The following DACH2 variants were observed in gnomAD, a reference collection of about 807,000 sequenced individuals.
DACH2 encodes the protein dachshund family transcription factor 2.
A neutral mutation model predicts 35.8 loss-of-function variants in DACH2; 17 were observed. The observed-to-expected ratio is 0.48, with a 90% CI of 0.33 to 0.71. DACH2 has a LOEUF of 0.71. Among genes scored for constraint, DACH2 ranks in the 30% least tolerant of loss-of-function variants. DACH2 has a pLI of 0.02. For missense variants in DACH2, 469 were observed against 472.7 expected (o/e 0.99, Z 0.07); for synonymous variants, 195 against 177.3 (o/e 1.10, Z -0.79).
intron 6 of DACH2, among the ~76,000 whole-genome samples, chrX:86,720,691 C>T (rs1216459582): frequency 1.8e-5 from 2 of 112,141 alleles, no homozygotes; most frequent in South Asian, 3.7e-4. Context: ...GTGGATCTAA[C>T]ATTCCATGGT....
At chrX:86,587,397 CT>C (rs915489261) in intron 3 of DACH2, among the ~76,000 whole-genome samples, 3 of 111,240 alleles carry the variant, frequency 2.7e-5, no homozygotes, top group Admixed American at 9.6e-5. Flanking sequence ...ATTTGGATAA[CT>C]TTTCTTTCTT....
At chrX:86,739,635 T>C in intron 6 of DACH2, 112 bp from the exon 7 acceptor site, 1 of 850,620 alleles carries the variant, frequency 1.2e-6, no homozygotes, top group Non-Finnish European at 1.7e-6. Flanking sequence ...TTATTGTAGA[T>C]GTGTACACTT....
intron 7 of DACH2, among the ~76,000 whole-genome samples, chrX:86,740,485 T>C (rs985351206): frequency 9.2e-5 from 9 of 97,821 alleles, no homozygotes; most frequent in African/African-American, 3.0e-4. Flanking sequence ...GTATATCTCC[T>C]AATGCTATCC....
At chrX:86,354,934 G>A (rs963846796) in intron 1 of DACH2, among the ~76,000 whole-genome samples, 5 of 111,053 alleles carry the variant, frequency 4.5e-5, no homozygotes, top group Non-Finnish European at 9.4e-5. Flanking sequence ...TTTATTTTAT[G>A]TTTAGAGGGT....
intron 1 of DACH2, among the ~76,000 whole-genome samples, chrX:86,297,069 A>ATG (rs1556018014): frequency 0.051 from 5,001 of 98,840 alleles, 252 homozygotes; most frequent in African/African-American, 0.13. Context: ...ATATATATAT[A>ATG]TAATTAGAGC....
rs2035478480 is a variant in DACH2, at chrX:86,345,336, T to C, written c.489-31488T>C. The C allele has an allele frequency of 1.8e-5, 4 of 226,647 alleles. No individual in the cohort carries two copies. In the South Asian group the frequency reaches 2.2e-4, roughly 12 times the overall value. The allele number at this position is 226,647 out of a possible 1,213,427, so 18.7% of individuals were successfully genotyped here. A position where few individuals can be genotyped will look rare whatever the true frequency, so the allele number is the denominator to read the frequency against. Reference sequence around the variant, plus strand: ...TGAGTTTAATATTTCACACATTAAATGATTAAAAGTAAGAATGCAAGACCT... The same window carrying C: ...TGAGTTTAATATTTCACACATTAAACGATTAAAAGTAAGAATGCAAGACCT... On this transcript the variant is annotated intron_variant, in intron 1 of 11. Transcript: ENST00000373125.
At chrX:86,680,891 C>A (rs996960037) in intron 4 of DACH2, among the ~76,000 whole-genome samples, 1 of 110,555 alleles carries the variant, frequency 9.0e-6, no homozygotes, top group Non-Finnish European at 1.9e-5. Flanking sequence ...TGGCCTTAAG[C>A]AATCCTCCTG....
At chrX:86,443,193 GC>G (rs1438285697) in intron 2 of DACH2, among the ~76,000 whole-genome samples, 1 of 111,209 alleles carries the variant, frequency 9.0e-6, no homozygotes, top group Non-Finnish European at 1.9e-5. Flanking sequence ...ATCCATAATC[GC>G]AGAATATTCT....
rs1602878802 is a variant in DACH2, at chrX:86,739,833, C to T, written c.1191C>T (p.Ser397=). 1.7e-6 allele frequency: 2 copies of T among 1,205,093 alleles called. No homozygotes were observed. Among genetic ancestry groups the T allele is most frequent in the East Asian group, 6.0e-5 (2 of 33,418 alleles). ...PGSQTSSHTS[S]SVSSSPSQMD... Reference sequence around the variant, plus strand: ...GCCAGACCTCTTCCCACACCAGCAGCAGTGTGTCCAGCTCTCCCTCTCAGA... The same window carrying T: ...GCCAGACCTCTTCCCACACCAGCAGTAGTGTGTCCAGCTCTCCCTCTCAGA... Residue 397 remains serine, a synonymous_variant, in exon 7 of 12, where the codon AGC becomes AGT. Coordinates refer to ENST00000373125, the MANE Select transcript of DACH2 (RefSeq NM_053281.3).
intron 7 of DACH2, among the ~76,000 whole-genome samples, chrX:86,746,456 C>T (rs1428355273): frequency 1.8e-5 from 2 of 111,565 alleles, no homozygotes; most frequent in East Asian, 2.8e-4. Flanking sequence ...CTAATGTTTG[C>T]GATGTATTAT....
At chrX:86,299,829 A>G (rs928807818) in intron 1 of DACH2, among the ~76,000 whole-genome samples, 3 of 112,067 alleles carry the variant, frequency 2.7e-5, no homozygotes, top group African/African-American at 3.2e-5. Context: ...GAAGGTGTAT[A>G]TATTTCCATA....
chrX:86,583,506 G>T (rs2039528873), intron 3 of DACH2, among the ~76,000 whole-genome samples: 1 of 110,500 alleles, frequency 9.0e-6, no homozygotes, highest in African/African-American at 3.3e-5. Context: ...AACTACTTCA[G>T]AGGAAATTAT....
At chrX:86,460,847 A>G in intron 2 of DACH2, among the ~76,000 whole-genome samples, 1 of 110,801 alleles carries the variant, frequency 9.0e-6, no homozygotes, top group Admixed American at 9.7e-5. Context: ...TGTAAAATTA[A>G]AAAAAAGTGA....
intron 1 of DACH2, among the ~76,000 whole-genome samples, chrX:86,318,802 C>T (rs775809639): frequency 9.0e-6 from 1 of 111,216 alleles, no homozygotes; most frequent in South Asian, 3.8e-4. Flanking sequence ...TTTTGGGAAC[C>T]TGTTAAAGAT....
At chrX:86,591,541 A>ATTTTTTT (rs566345938) in intron 3 of DACH2, among the ~76,000 whole-genome samples, 9,465 of 92,971 alleles carry the variant, frequency 0.1, 661 homozygotes, top group East Asian at 0.26. Flanking sequence ...TTCTTTGGCT[A>ATTTTTTT]TTTTTTTTTT....
At chrX:86,557,284 G>C in intron 3 of DACH2, among the ~76,000 whole-genome samples, 1 of 111,370 alleles carries the variant, frequency 9.0e-6, no homozygotes. Flanking sequence ...TCAGCTATCT[G>C]TGTATTCCTT....
At chrX:86,567,351 G>A (rs750838568) in intron 3 of DACH2, among the ~76,000 whole-genome samples, 21 of 111,236 alleles carry the variant, frequency 1.9e-4, no homozygotes, top group Non-Finnish European at 3.6e-4. Flanking sequence ...ACTGGAACAG[G>A]AATTTTAACT....
intron 2 of DACH2, among the ~76,000 whole-genome samples, chrX:86,403,782 T>A (rs1035489629): frequency 9.0e-6 from 1 of 110,935 alleles, no homozygotes; most frequent in Non-Finnish European, 1.9e-5. Flanking sequence ...AAAACCATGG[T>A]GTATTAGTCT....
chrX:86,561,888 C>A (rs1602647872), intron 3 of DACH2, among the ~76,000 whole-genome samples: 1 of 46,655 alleles, frequency 2.1e-5, no homozygotes, highest in Admixed American at 2.9e-4. Flanking sequence ...TACCCTAAAA[C>A]TTAAAGTAGA....
Sources: allele counts gnomAD v4.1 joint callset (sites outside exome capture counted in the v4.1 genomes callset), GRCh38; gene constraint gnomAD v4.1.1; transcripts MANE v1.5; gene names NCBI Gene and HGNC (gene_info 2026-07-23, HGNC 2026-07-21).